Variants in ZNF711 observed in about 807,000 individuals in gnomAD.
ZNF711 encodes the protein zinc finger protein 711.
A neutral mutation model predicts 43.5 loss-of-function variants in ZNF711; 3 were observed. The ratio of observed to expected loss-of-function variants is 0.07; its 90% CI spans 0.03 to 0.18. The LOEUF (loss-of-function observed/expected upper bound fraction) is 0.18. Ranked by LOEUF, ZNF711 falls within the 10% of genes least tolerant of loss-of-function variation. ZNF711 has a pLI of 1.00. For synonymous variants in ZNF711, 209 were observed against 207.7 expected, an observed-to-expected ratio of 1.01 and a Z score of -0.06; for missense variants, 412 against 604.0, an observed-to-expected ratio of 0.68 and a Z score of 3.33.
At chrX:85,260,959 G>T (rs915882600) in intron 5 of ZNF711, among the ~76,000 whole-genome samples, 4 of 111,319 alleles carry the variant, frequency 3.6e-5, no homozygotes, top group African/African-American at 9.8e-5. Context: ...ATCATATTCT[G>T]TATTCTTACA....
intron 2 of ZNF711, among the ~76,000 whole-genome samples, chrX:85,246,699 G>T (rs1041655543): frequency 1.8e-5 from 2 of 112,075 alleles, no homozygotes; most frequent in South Asian, 7.4e-4. Context: ...GAAATACATT[G>T]AGTGACAGCA....
chrX:85,245,368 A>C (rs917787403), intron 1 of ZNF711, among the ~76,000 whole-genome samples: 4 of 112,620 alleles, frequency 3.6e-5, no homozygotes, highest in African/African-American at 1.3e-4. Flanking sequence ...GAAGACCAAG[A>C]AGCCTAGCTA....
rs755503652 is a variant in ZNF711, at chrX:85,271,875, A to G, written c.*47A>G. 21 of 1,053,576 alleles carry G rather than the reference A, an allele frequency of 2.0e-5. No individual in the cohort carries two copies. The highest frequency in any genetic ancestry group is 5.3e-6 in the Non-Finnish European group (4 of 759,226). The allele number at this position is 1,053,576 out of a possible 1,213,427, so 86.8% of individuals were successfully genotyped here. ...AGCTATTTAGGAGATATGATATGCTACTTGGGAGAAAACTCTCACTAACTG... is the reference window on the plus strand; with the variant it reads ...AGCTATTTAGGAGATATGATATGCTGCTTGGGAGAAAACTCTCACTAACTG... On this transcript the variant is annotated 3_prime_UTR_variant, in exon 11 of 11. Transcript: ENST00000674551.
intron 9 of ZNF711, among the ~76,000 whole-genome samples, chrX:85,269,654 G>T (rs1931402450): frequency 9.0e-6 from 1 of 111,286 alleles, no homozygotes; most frequent in Non-Finnish European, 1.9e-5. Context: ...GATTACAGGT[G>T]TGGGCCATCA....
At chrX:85,263,459 T>C (rs187021963) in intron 5 of ZNF711, among the ~76,000 whole-genome samples, 253 of 111,203 alleles carry the variant, frequency 2.3e-3, no homozygotes, top group African/African-American at 7.7e-3. Context: ...AATTCATGGC[T>C]TGAAGTTGTC....
chrX:85,256,341 C>T (rs1352416210), intron 5 of ZNF711, among the ~76,000 whole-genome samples: 1 of 112,011 alleles, frequency 8.9e-6, no homozygotes, highest in Non-Finnish European at 1.9e-5. Flanking sequence ...AGCTATTTAA[C>T]ATGTTTATTT....
At chrX:85,264,918 G>A (rs911857874) in intron 6 of ZNF711, among the ~76,000 whole-genome samples, 200 bp from the exon 7 acceptor site, 2 of 111,102 alleles carry the variant, frequency 1.8e-5, no homozygotes, top group African/African-American at 6.5e-5. Context: ...ATATAAGCTT[G>A]ATGTAAGGAT....
intron 5 of ZNF711, among the ~76,000 whole-genome samples, chrX:85,258,906 GTTTA>G (rs2147833476): frequency 9.0e-6 from 1 of 111,380 alleles, no homozygotes; most frequent in East Asian, 2.8e-4. Context: ...AAGCTCTTTA[GTTTA>G]ATTAGTTCTG....
At chrX:85,247,894 GA>G (rs1406065107) in intron 4 of ZNF711, among the ~76,000 whole-genome samples, 1 of 110,862 alleles carries the variant, frequency 9.0e-6, no homozygotes, top group East Asian at 2.8e-4. Flanking sequence ...TACTGGAAAT[GA>G]AAAACTCAAT....
chrX:85,262,512 A>T, intron 5 of ZNF711, among the ~76,000 whole-genome samples: 1 of 110,285 alleles, frequency 9.1e-6, no homozygotes, highest in Non-Finnish European at 1.9e-5. Flanking sequence ...CTAAAAACTT[A>T]CTCATGATTT....
chrX:85,258,941 G>C (rs369602947), intron 5 of ZNF711, among the ~76,000 whole-genome samples: 44 of 111,237 alleles, frequency 4.0e-4, no homozygotes, highest in African/African-American at 1.2e-3. Context: ...TTTTGCTTTT[G>C]TTGCAATTGG....
rs760348144 is a variant in ZNF711, at chrX:85,255,329, A to G, written c.150A>G (p.Leu50=). ...TTGTTTCAGTTCCTGAAGCTGTTTT[A>G]GTTTCTGATGTTGTCACAGATGATG... ...HIVVSVPEAV[L]VSDVVTDDGI... is the part of the protein sequence containing the mutation. Residue 50 remains leucine (L), a synonymous_variant, in exon 5 of 11, where the codon TTA becomes TTG. Coordinates refer to ENST00000674551, the MANE Select transcript of ZNF711 (RefSeq NM_001330574.2). 1 of 1,209,732 alleles carries G rather than the reference A, an allele frequency of 8.3e-7. No homozygotes were observed. Among genetic ancestry groups the G allele is most frequent in the African/African-American group, 1.8e-5 (1 of 57,069 alleles).
chrX:85,261,969 C>T lies in ZNF711; in HGVS notation c.623-2306C>T, dbSNP rs147231770. Among the ~76,000 whole-genome samples the T allele has an allele frequency of 3.4e-3, 377 of 110,774 alleles. 1 individual carries two copies. The highest frequency in any genetic ancestry group is 0.011 in the African/African-American group (345 of 30,679). On this transcript the variant is annotated intron_variant, in intron 5 of 10. Transcript: ENST00000674551. The stretch of plus-strand genomic sequence containing the variant: ...TTTGTTAATTTCGTACTTTCCATAA[C>T]GAAGGATATAGAATAAATCTTGGTC...
chrX:85,250,299 A>G (rs1929447016), intron 4 of ZNF711, among the ~76,000 whole-genome samples: 1 of 111,701 alleles, frequency 9.0e-6, no homozygotes, highest in Non-Finnish European at 1.9e-5. Flanking sequence ...GAGAATATAT[A>G]TACACACATA....
intron 5 of ZNF711, among the ~76,000 whole-genome samples, chrX:85,262,795 G>A (rs769087137): frequency 2.7e-5 from 3 of 110,274 alleles, no homozygotes; most frequent in Non-Finnish European, 5.7e-5. Context: ...GCTCTGCAAT[G>A]TAAAAATAAT....
chrX:85,253,245 A>G lies in ZNF711; in HGVS notation c.80-2014A>G, dbSNP rs1458147007. On this transcript the variant is annotated intron_variant, in intron 4 of 10. Coordinates refer to ENST00000674551, the MANE Select transcript of ZNF711 (RefSeq NM_001330574.2). ...CTATTATCAAACCAAATATTAGTCT[A>G]AGATGAGTACAGAGTTTTTCCCCCT... Among the ~76,000 whole-genome samples the G allele has an allele frequency of 3.6e-5, 4 of 111,964 alleles. No individual in the cohort carries two copies. The East Asian group carries it at 8.4e-4, about 24-fold the overall frequency.
intron 10 of ZNF711, 82 bp downstream of exon 10, chrX:85,270,228 T>TC: frequency 9.7e-7 from 1 of 1,036,024 alleles, no homozygotes; most frequent in Non-Finnish European, 1.3e-6. Context: ...ATCGATGGTT[T>TC]ACTTGGCAGT....
intron 10 of ZNF711, 97 bp downstream of exon 10, chrX:85,270,243 C>T: frequency 1.1e-6 from 1 of 914,558 alleles, no homozygotes; most frequent in Non-Finnish European, 1.5e-6. Flanking sequence ...GGCAGTTCTA[C>T]TCTCCATGTA....
chrX:85,255,400 C>G lies in ZNF711; in HGVS notation c.221C>G (p.Pro74Arg). ...CTTGCAGCTGAAGTTGTCCATGGAC[C>G]TGATATCATCACAGAGACTGATGTA... is the stretch of plus-strand genomic sequence containing the variant. ...HGLAAEVVHG[P>R]DIITETDVVT... is the part of the protein sequence containing the mutation. The change falls in exon 5 of 11, where the codon CCT (proline) becomes CGT (arginine). Residue 74 changes from proline (P) to arginine (R), a missense_variant. Physicochemically the swap from Pro to Arg is moderately radical, Grantham distance 103 (BLOSUM62 -2). This residue lies in a region of ZNF711 where 375 missense variants were observed against 514.2 expected (regional missense o/e 0.73). Coordinates refer to ENST00000674551, the MANE Select transcript of ZNF711 (RefSeq NM_001330574.2). 8.3e-7 allele frequency: 1 copy of G among 1,211,452 alleles called. No individual in the cohort carries two copies. Among genetic ancestry groups the G allele is most frequent in the Non-Finnish European group, 1.1e-6 (1 of 895,506 alleles).
Sources: gnomAD v4.1 joint callset for allele counts (sites outside exome capture counted in the v4.1 genomes callset) on GRCh38, gnomAD v4.1.1 for gene constraint, gnomAD v4.1.1 regional missense constraint, MANE v1.5 for transcripts, NCBI Gene and HGNC (gene_info 2026-07-23, HGNC 2026-07-21) for gene names.